The following DACH2 variants were observed in gnomAD, a reference collection of about 807,000 sequenced individuals.
DACH2 encodes the protein dachshund homolog 2.
Under a neutral mutation model 35.8 loss-of-function variants are expected in DACH2, and 17 were observed. That is an observed-to-expected ratio of 0.48 (90% CI 0.33 to 0.71). DACH2 has a LOEUF of 0.71. Ranked by LOEUF, DACH2 falls within the 30% of genes least tolerant of loss-of-function variation. DACH2 has a pLI of 0.02. For missense variants in DACH2, 469 were observed against 472.7 expected (o/e 0.99, Z 0.07); for synonymous variants, 195 against 177.3 (o/e 1.10, Z -0.79).
intron 1 of DACH2, among the ~76,000 whole-genome samples, chrX:86,151,175 A>G (rs2030353104): frequency 9.1e-6 from 1 of 110,403 alleles, no homozygotes; most frequent in Admixed American, 9.7e-5. Context: ...ATCTTGTAAT[A>G]TTTTTGGACC....
chrX:86,660,317 G>A (rs1180185331), intron 4 of DACH2, among the ~76,000 whole-genome samples: 1 of 111,149 alleles, frequency 9.0e-6, no homozygotes, highest in Non-Finnish European at 1.9e-5. Flanking sequence ...CGCCTGACAA[G>A]ACTCAATCTT....
chrX:86,319,429 A>T (rs2034975884), intron 1 of DACH2, among the ~76,000 whole-genome samples: 1 of 111,520 alleles, frequency 9.0e-6, no homozygotes, highest in Admixed American at 9.6e-5. Context: ...GCTCTTAGCA[A>T]TTTTTCACTT....
intron 6 of DACH2, among the ~76,000 whole-genome samples, chrX:86,730,764 C>G (rs1175796653): frequency 9.0e-6 from 1 of 111,518 alleles, no homozygotes; most frequent in East Asian, 2.8e-4. Context: ...TGCTTTTATG[C>G]CCTATGAGAC....
chrX:86,586,583 A>T (rs1256740639), intron 3 of DACH2, among the ~76,000 whole-genome samples: 1 of 111,619 alleles, frequency 9.0e-6, no homozygotes, highest in East Asian at 2.8e-4. Context: ...TCTTTAATCC[A>T]TCTTCAGTTG....
At chrX:86,548,287 G>A (rs191620101) in intron 3 of DACH2, among the ~76,000 whole-genome samples, 3 of 110,737 alleles carry the variant, frequency 2.7e-5, no homozygotes, top group African/African-American at 9.9e-5. Context: ...CCATATTGCT[G>A]GGAGATACAA....
intron 3 of DACH2, among the ~76,000 whole-genome samples, chrX:86,608,416 G>T (rs2039888224): frequency 9.0e-6 from 1 of 111,713 alleles, no homozygotes; most frequent in Admixed American, 9.5e-5. Context: ...CCCATTACTA[G>T]GTATTGTTTT....
At chrX:86,398,994 C>T (rs2036362197) in intron 2 of DACH2, among the ~76,000 whole-genome samples, 1 of 111,308 alleles carries the variant, frequency 9.0e-6, no homozygotes, top group Non-Finnish European at 1.9e-5. Context: ...GTGTTAAAGT[C>T]TCCCATTATT....
chrX:86,629,216 C>T (rs1293187139), intron 3 of DACH2, among the ~76,000 whole-genome samples: 2 of 111,132 alleles, frequency 1.8e-5, no homozygotes, highest in Non-Finnish European at 3.8e-5. Context: ...TCACTCTTGG[C>T]CCAATGTCAG....
intron 2 of DACH2, among the ~76,000 whole-genome samples, chrX:86,472,007 TTTTA>T (rs764227111): frequency 6.9e-4 from 77 of 112,224 alleles, no homozygotes; most frequent in African/African-American, 2.0e-3. Flanking sequence ...CCTATTAGAT[TTTTA>T]TTTGTCAATT....
chrX:86,148,523 C>T lies in DACH2; in HGVS notation c.-98C>T. On this transcript the variant is annotated 5_prime_UTR_variant, in exon 1 of 12. Transcript: ENST00000373125. ...CAGTTCGGAGCCAGCGAGAGCGCGC[C>T]AGAGAGAGCGAGAGTGAGGGAGTGA... The T allele has an allele frequency of 2.0e-6, 2 of 983,705 alleles. No individual in the cohort carries two copies. The highest frequency in any genetic ancestry group is 2.7e-6 in the Non-Finnish European group (2 of 737,638). 81.1% of individuals were successfully genotyped at this position (983,705 alleles called of 1,213,427 possible).
At chrX:86,163,921 A>G (rs781339273) in intron 1 of DACH2, among the ~76,000 whole-genome samples, 13 of 111,412 alleles carry the variant, frequency 1.2e-4, no homozygotes, top group Non-Finnish European at 2.3e-4. Context: ...AAAACAGATT[A>G]TATTCCGTTG....
chrX:86,799,683 A>G (rs182132723), intron 7 of DACH2, among the ~76,000 whole-genome samples: 240 of 112,628 alleles, frequency 2.1e-3, no homozygotes, highest in African/African-American at 7.3e-3. Context: ...AAGACAAAAT[A>G]CAATGCTATA....
intron 3 of DACH2, among the ~76,000 whole-genome samples, chrX:86,645,063 A>C (rs191824474): frequency 2.4e-3 from 266 of 111,377 alleles, no homozygotes; most frequent in Non-Finnish European, 3.4e-3. Context: ...AACATTAACA[A>C]ATGAGATCTA....
chrX:86,734,824 C>T (rs936190414), intron 6 of DACH2, among the ~76,000 whole-genome samples: 1 of 111,567 alleles, frequency 9.0e-6, no homozygotes, highest in African/African-American at 3.2e-5. Flanking sequence ...TAAAGTCTTT[C>T]AAGTTACAGT....
At chrX:86,333,121 A>C (rs761240775) in intron 1 of DACH2, among the ~76,000 whole-genome samples, 1 of 112,028 alleles carries the variant, frequency 8.9e-6, no homozygotes, top group Non-Finnish European at 1.9e-5. Flanking sequence ...GTATGATTTA[A>C]TGCTGCTGGA....
intron 4 of DACH2, among the ~76,000 whole-genome samples, chrX:86,673,436 C>A (rs968763396): frequency 4.5e-5 from 5 of 110,136 alleles, no homozygotes; most frequent in African/African-American, 1.7e-4. Flanking sequence ...GGGACTGTTA[C>A]CCCTTTGTTT....
chrX:86,328,059 A>G (rs944417568), intron 1 of DACH2, among the ~76,000 whole-genome samples: 2 of 110,380 alleles, frequency 1.8e-5, no homozygotes, highest in African/African-American at 6.6e-5. Context: ...AGATTTCTTT[A>G]TTTTTTTCAT....
chrX:86,829,518 T>C (rs2042593991), intron 11 of DACH2: 1 of 112,272 alleles, frequency 8.9e-6, no homozygotes, highest in African/African-American at 3.2e-5. Context: ...ATCTGCCTTG[T>C]TTATGATACA....
At chrX:86,828,210 T>A (rs2042580068) in intron 11 of DACH2, 1 of 122,026 alleles carries the variant, frequency 8.2e-6, no homozygotes, top group African/African-American at 3.2e-5. Flanking sequence ...AATAACTTCT[T>A]GTCTGACCTG....
Sources: gnomAD v4.1 joint callset for allele counts (sites outside exome capture counted in the v4.1 genomes callset) on GRCh38, gnomAD v4.1.1 for gene constraint, MANE v1.5 for transcripts, NCBI Gene and HGNC (gene_info 2026-07-23, HGNC 2026-07-21) for gene names.